PNMA2: variants seen among roughly 807,000 people sequenced by gnomAD.
The protein encoded by PNMA2 is paraneoplastic antigen Ma2.
For missense variants in PNMA2, 455 were observed against 452.9 expected (o/e 1.00, Z -0.04); for synonymous variants, 175 against 183.5 (o/e 0.95, Z 0.38).
At position 26,507,112 on chromosome 8, in the gene PNMA2, T is replaced by G. The variant is rs1372448109; in HGVS notation, c.*549A>C. On this transcript the variant is annotated 3_prime_UTR_variant, in exon 3 of 3. Coordinates refer to ENST00000522362, the MANE Select transcript of PNMA2 (RefSeq NM_007257.6). Reference sequence around the variant, plus strand: ...ATAATCTACATAGGGTCTAAGAAACTCCTAGATATTTTTTTCTTAAAAAGA... The same window carrying G: ...ATAATCTACATAGGGTCTAAGAAACGCCTAGATATTTTTTTCTTAAAAAGA... The G allele has an allele frequency of 6.6e-6, 1 of 152,190 alleles. No individual in the cohort carries two copies. Among genetic ancestry groups the G allele is most frequent in the Non-Finnish European group, 1.5e-5 (1 of 68,046 alleles). The allele number at this position is 152,190 out of a possible 1,614,324, so 9.4% of individuals were successfully genotyped here.
intron 1 of PNMA2, among the ~76,000 whole-genome samples, chr8:26,510,872 G>A (rs1003230519): frequency 1.3e-5 from 2 of 152,194 alleles, no homozygotes; most frequent in Admixed American, 1.3e-4. Flanking sequence ...GTTAGAGTTG[G>A]CCAGGCGTGG....
At chr8:26,513,092 G>A (rs1808193174) in intron 1 of PNMA2, 1 of 149,998 alleles carries the variant, frequency 6.7e-6, no homozygotes, top group Non-Finnish European at 1.5e-5. Flanking sequence ...TTGGGAAGGG[G>A]GTTTCAGTTT....
In PNMA2 at chr8:26,509,343, C is replaced by T. The variant is rs990452308; in HGVS notation, c.-488-100G>A. 6.5e-6 allele frequency: 1 copy of T among 152,828 alleles called. No homozygotes were observed. The highest frequency in any genetic ancestry group is 6.5e-5 in the Admixed American group (1 of 15,284). The allele number at this position is 152,828 out of a possible 1,614,324, so 9.5% of individuals were successfully genotyped here. A position where few individuals can be genotyped will look rare whatever the true frequency, so the allele number is the denominator to read the frequency against. Reference sequence around the variant, plus strand: ...GAACTGGGGGCAGATGGCGGTTCTGCTTTACACTGCGCTTGCATTTGTCCC... The same window carrying T: ...GAACTGGGGGCAGATGGCGGTTCTGTTTTACACTGCGCTTGCATTTGTCCC... On this transcript the variant is annotated intron_variant, in intron 2 of 2. Transcript: ENST00000522362. This position sits in a 1 kb window ranked among gnomAD's most constrained non-coding sequence, Gnocchi z 5.7.
At position 26,504,975 on chromosome 8, in the gene PNMA2, T is replaced by C. The variant is rs2117573977; in HGVS notation, c.*2686A>G. 6.6e-6 allele frequency: 1 copy of C among 152,374 alleles called. No homozygotes were observed. The highest frequency in any genetic ancestry group is 2.1e-4 in the South Asian group (1 of 4,834). 9.4% of individuals were successfully genotyped at this position (152,374 alleles called of 1,614,324 possible). ...CACAATCAGAAAAAATAAGTAATTA[T>C]TTAAAAGTCAAACCTCTAACAATTG... On this transcript the variant is annotated 3_prime_UTR_variant, in exon 3 of 3. Coordinates refer to ENST00000522362, the MANE Select transcript of PNMA2 (RefSeq NM_007257.6).
In PNMA2 at chr8:26,508,286, A is replaced by C; in HGVS notation, c.470T>G (p.Leu157Arg). The change falls in exon 3 of 3, where the codon CTG becomes CGG. Residue 157 changes from leucine to arginine, a missense_variant. Leu to Arg is a moderately radical substitution (Grantham distance 102, BLOSUM62 -2). Transcript: ENST00000522362. The surrounding 1 kb of genome is among the most constrained non-coding windows in gnomAD (Gnocchi z 5.5). ...GQAMAHAPQP[L>R]LPMRYRKLRV... ...CAGTTTCCGGTATCTCATGGGTAGC[A>C]GGGGCTGAGGCGCATGTGCCATTGC... The C allele has an allele frequency of 3.7e-6, 6 of 1,602,610 alleles. No homozygotes were observed. The highest frequency in any genetic ancestry group is 5.1e-6 in the Non-Finnish European group (6 of 1,174,150).
Position 26,507,611 on chromosome 8 carries a change from T to C in PNMA2, c.*50A>G. Reference sequence around the variant, plus strand: ...AGTCCCATACATTAAAGAAAAAAATTTTTTAAAGGTCTTAGCCCACTGGCT... The same window carrying C: ...AGTCCCATACATTAAAGAAAAAAATCTTTTAAAGGTCTTAGCCCACTGGCT... On this transcript the variant is annotated 3_prime_UTR_variant, in exon 3 of 3. Coordinates refer to ENST00000522362, the MANE Select transcript of PNMA2 (RefSeq NM_007257.6). 6.7e-7 allele frequency: 1 copy of C among 1,494,240 alleles called. No individual in the cohort carries two copies. Among genetic ancestry groups the C allele is most frequent in the Non-Finnish European group, 8.9e-7 (1 of 1,121,666 alleles). 92.6% of individuals were successfully genotyped at this position (1,494,240 alleles called of 1,614,324 possible).
At position 26,509,349 on chromosome 8, in the gene PNMA2, A is replaced by T. The variant is rs1024602239; in HGVS notation, c.-488-106T>A. On this transcript the variant is annotated intron_variant, in intron 2 of 2. Transcript: ENST00000522362. The surrounding 1 kb of genome is among the most constrained non-coding windows in gnomAD (Gnocchi z 5.7). ...GGGGCAGATGGCGGTTCTGCTTTAC[A>T]CTGCGCTTGCATTTGTCCCACTCTG... 1 of 152,668 alleles carries T rather than the reference A, an allele frequency of 6.6e-6. No individual in the cohort carries two copies. Among genetic ancestry groups the T allele is most frequent in the Non-Finnish European group, 1.5e-5 (1 of 68,156 alleles). 9.5% of individuals were successfully genotyped at this position (152,668 alleles called of 1,614,324 possible).
rs1191321387 is a variant in PNMA2 at position 26,506,057 on chromosome 8, A to G, written c.*1604T>C. 2 of 152,214 alleles carry G rather than the reference A, an allele frequency of 1.3e-5. No individual in the cohort carries two copies. Among genetic ancestry groups the G allele is most frequent in the Non-Finnish European group, 2.9e-5 (2 of 68,042 alleles). The allele number at this position is 152,214 out of a possible 1,614,324, so 9.4% of individuals were successfully genotyped here. On this transcript the variant is annotated 3_prime_UTR_variant, in exon 3 of 3. Transcript: ENST00000522362. The surrounding 1 kb of genome is among the most constrained non-coding windows in gnomAD (Gnocchi z 4.4). ...CACATTTTGGAGATGGCACTGCTAG[A>G]AAATCTGCAGAACTGCAGAGCACAA... is the stretch of plus-strand genomic sequence containing the variant.
At position 26,508,588 on chromosome 8, in the gene PNMA2, G is replaced by T. The variant is rs897191178; in HGVS notation, c.168C>A (p.Phe56Leu). 12 of 1,614,026 alleles carry T rather than the reference G, an allele frequency of 7.4e-6. No homozygotes were observed. Among genetic ancestry groups the T allele is most frequent in the Admixed American group, 5.0e-5 (3 of 59,998 alleles). ...LGRYRLLGKI[F>L]RKQENANAVL... ...CAGCATTGGCATTCTCCTGCTTCCG[G>T]AATATCTTGCCAAGCAGTCTATACC... Residue 56 changes from phenylalanine (F) to leucine (L), a missense_variant, in exon 3 of 3, where the codon TTC becomes TTA. Coordinates refer to ENST00000522362, the MANE Select transcript of PNMA2 (RefSeq NM_007257.6). The surrounding 1 kb of genome is among the most constrained non-coding windows in gnomAD (Gnocchi z 5.5).
chr8:26,510,029 C>A (rs779955771), intron 1 of PNMA2, among the ~76,000 whole-genome samples: 5 of 152,210 alleles, frequency 3.3e-5, no homozygotes, highest in Non-Finnish European at 5.9e-5. Context: ...CCCTCCAAAT[C>A]TCATGCTGAA....
In PNMA2 at chr8:26,507,963, CCTT is replaced by C; in HGVS notation, c.790_792del (p.Lys264del). Reference sequence around the variant, plus strand: ...TCTAGCCGTAACACATAGGCTGAGACCTTCTCTCCTTCCTCCTGATAGGTCTTC... The same window carrying C: ...TCTAGCCGTAACACATAGGCTGAGACCTCTCCTTCCTCCTGATAGGTCTTC... On this transcript the variant is annotated inframe_deletion, in exon 3 of 3. Transcript: ENST00000522362. The C allele has an allele frequency of 6.2e-7, 1 of 1,614,160 alleles. No individual in the cohort carries two copies. Among genetic ancestry groups the C allele is most frequent in the East Asian group, 2.2e-5 (1 of 44,878 alleles).
Position 26,508,672 on chromosome 8 carries a change from C to T in PNMA2, c.84G>A (p.Ala28=), listed in dbSNP as rs201435627. Residue 28 remains alanine, a synonymous_variant, in exon 3 of 3, where the codon GCG becomes GCA. Transcript: ENST00000522362. This position sits in a 1 kb window ranked among gnomAD's most constrained non-coding sequence, Gnocchi z 5.5. ...QKSLMVTGIP[A]DFEEAEIQEV... ...CCTGAATCTCAGCCTCCTCAAAGTC[C>T]GCCGGTATCCCCGTAACCATCAGTG... The T allele has an allele frequency of 1.4e-4, 230 of 1,614,038 alleles. No homozygotes were observed. The highest frequency in any genetic ancestry group is 7.8e-4 in the Admixed American group (47 of 60,004).
At position 26,506,337 on chromosome 8, in the gene PNMA2, A is replaced by C. The variant is rs935326584; in HGVS notation, c.*1324T>G. 6.6e-6 allele frequency: 1 copy of C among 152,262 alleles called. No individual in the cohort carries two copies. The highest frequency in any genetic ancestry group is 1.5e-5 in the Non-Finnish European group (1 of 68,112). The allele number at this position is 152,262 out of a possible 1,614,324, so 9.4% of individuals were successfully genotyped here. The stretch of plus-strand genomic sequence containing the variant: ...TGTGAGTTCCTTTTCTCTCCTCTTC[A>C]TCCTTTGTTGCCACTAAAAGCCTTC... On this transcript the variant is annotated 3_prime_UTR_variant, in exon 3 of 3. Transcript: ENST00000522362. This position sits in a 1 kb window ranked among gnomAD's most constrained non-coding sequence, Gnocchi z 4.4.
At chr8:26,511,480 G>T (rs924259329) in intron 1 of PNMA2, among the ~76,000 whole-genome samples, 4 of 152,118 alleles carry the variant, frequency 2.6e-5, no homozygotes, top group African/African-American at 9.7e-5. Context: ...AAAATGTGGG[G>T]ACTGTGGGGG....
At chr8:26,510,543 G>A (rs981638488) in intron 1 of PNMA2, among the ~76,000 whole-genome samples, 1 of 151,962 alleles carries the variant, frequency 6.6e-6, no homozygotes, top group Non-Finnish European at 1.5e-5. Context: ...ATCTCTCCTG[G>A]GCTCAAGCAA....
chr8:26,512,225 A>G (rs966780599), intron 1 of PNMA2, among the ~76,000 whole-genome samples: 1 of 152,218 alleles, frequency 6.6e-6, no homozygotes, highest in African/African-American at 2.4e-5. Flanking sequence ...CTGATAAGGC[A>G]CGCATCTCAC....
chr8:26,511,605 C>T (rs1808155265), intron 1 of PNMA2: 1 of 152,052 alleles, frequency 6.6e-6, no homozygotes, highest in Non-Finnish European at 1.5e-5. Flanking sequence ...CCTGTCTCTA[C>T]AAAAAGGAAA....
At chr8:26,511,369 G>A (rs193289892) in intron 1 of PNMA2, among the ~76,000 whole-genome samples, 83 of 152,310 alleles carry the variant, frequency 5.4e-4, no homozygotes, top group Non-Finnish European at 1.0e-3. Flanking sequence ...GGCACCAGGG[G>A]TGCCAGAGAG....
In PNMA2 at chr8:26,505,138, G is replaced by T. The variant is rs1808026539; in HGVS notation, c.*2523C>A. 6.6e-6 allele frequency: 1 copy of T among 152,468 alleles called. No homozygotes were observed. Among genetic ancestry groups the T allele is most frequent in the Non-Finnish European group, 1.5e-5 (1 of 68,218 alleles). The allele number at this position is 152,468 out of a possible 1,614,324, so 9.4% of individuals were successfully genotyped here. ...CATATTAGCTTGTTACCACACAACT[G>T]TCAGAACAATAAAGAAAGCATGCAT... On this transcript the variant is annotated 3_prime_UTR_variant, in exon 3 of 3. Transcript: ENST00000522362.
Sources: gnomAD v4.1 joint callset for allele counts (sites outside exome capture counted in the v4.1 genomes callset) on GRCh38, gnomAD v4.1.1 for gene constraint, Gnocchi (gnomAD v3.1) non-coding constraint, MANE v1.5 for transcripts, NCBI Gene and HGNC (gene_info 2026-07-23, HGNC 2026-07-21) for gene names.